The following DNAJB7 variants were observed in gnomAD, a reference collection of about 807,000 sequenced individuals.
The protein encoded by DNAJB7 is dnaJ homolog subfamily B member 7.
A neutral mutation model predicts 1.2 loss-of-function variants in DNAJB7; 1 was observed. That is an observed-to-expected ratio of 0.84 (90% CI 0.30 to 4.01). The LOEUF (loss-of-function observed/expected upper bound fraction) is 4.01, where lower values mean the gene tolerates loss of function less well. Ranked by LOEUF, DNAJB7 falls within the 30% of genes most tolerant of loss-of-function variation. The pLI is 0.18. For missense variants in DNAJB7, 420 were observed against 358.5 expected, an observed-to-expected ratio of 1.17 and a Z score of -1.39; for synonymous variants, 128 against 127.7, an observed-to-expected ratio of 1.00 and a Z score of -0.01.
In DNAJB7 at chr22:40,861,057, G is replaced by T. The variant is rs2057941420; in HGVS notation, c.*8C>A. On this transcript the variant is annotated 3_prime_UTR_variant, in exon 1 of 1. Coordinates refer to ENST00000307221, the MANE Select transcript of DNAJB7 (RefSeq NM_145174.2). ...TGTGTTCAAATGTTATATATTTGAA[G>T]AGTCAATTTAACAATTCCTTTTGGT... The T allele has an allele frequency of 6.4e-7, 1 of 1,568,810 alleles. No individual in the cohort carries two copies. The highest frequency in any genetic ancestry group is 1.2e-5 in the South Asian group (1 of 82,422).
chr22:40,861,492 A>G lies in DNAJB7; in HGVS notation c.503T>C (p.Leu168Pro), dbSNP rs1239661517. ...AAAAGCCAGGGAAGAGAAAGAAGTA[A>G]GGCCTTCATGCCCCAATGAACCCTG... ...TSQGSLGHEG[L>P]TSFSSLAFDN... Residue 168 changes from leucine (L) to proline (P), a missense_variant, in exon 1 of 1, where the codon CTT becomes CCT. Transcript: ENST00000307221. 5.6e-6 allele frequency: 9 copies of G among 1,614,218 alleles called. No individual in the cohort carries two copies. In the East Asian group the frequency reaches 2.0e-4, roughly 36 times the overall value.
rs2057936992 is a variant in DNAJB7, at chr22:40,860,605, C to G, written c.*460G>C. ...AAAAAAGAAAAATAGGCTATAAACT[C>G]TACTAAAGAAAAATTCAAAAGTAAA... On this transcript the variant is annotated 3_prime_UTR_variant, in exon 1 of 1. Coordinates refer to ENST00000307221, the MANE Select transcript of DNAJB7 (RefSeq NM_145174.2). The G allele has an allele frequency of 7.9e-7, 1 of 1,262,376 alleles. No homozygotes were observed. The highest frequency in any genetic ancestry group is 1.7e-5 in the South Asian group (1 of 59,324). 78.2% of individuals were successfully genotyped at this position (1,262,376 alleles called of 1,614,324 possible).
In DNAJB7 at chr22:40,862,066, G is replaced by T; in HGVS notation, c.-72C>A. The T allele has an allele frequency of 4.6e-6, 7 of 1,524,106 alleles. No individual in the cohort carries two copies. The highest frequency in any genetic ancestry group is 6.1e-6 in the Non-Finnish European group (7 of 1,143,376). 94.4% of individuals were successfully genotyped at this position (1,524,106 alleles called of 1,614,324 possible). ...TGGTTTCCTCAGCTCAGGCTCTGCTGGTGGTGGTGATAGAGGTAGTGACTG... is the reference window on the plus strand; with the variant it reads ...TGGTTTCCTCAGCTCAGGCTCTGCTTGTGGTGGTGATAGAGGTAGTGACTG... On this transcript the variant is annotated 5_prime_UTR_variant, in exon 1 of 1. Transcript: ENST00000307221.
rs775539243 is a variant in DNAJB7 at position 40,860,553 on chromosome 22, G to A, written c.*512C>T. ...TGTCTTCTAATGCTATGCATGTTTC[G>A]TAAGTTTGTATAGTGGTTTTAATTA... is the stretch of plus-strand genomic sequence containing the variant. On this transcript the variant is annotated 3_prime_UTR_variant, in exon 1 of 1. Coordinates refer to ENST00000307221, the MANE Select transcript of DNAJB7 (RefSeq NM_145174.2). 2.9e-5 allele frequency: 27 copies of A among 925,076 alleles called. No homozygotes were observed. Among genetic ancestry groups the A allele is most frequent in the Middle Eastern group, 3.6e-4 (1 of 2,748 alleles). 57.3% of individuals were successfully genotyped at this position (925,076 alleles called of 1,614,324 possible). A position where few individuals can be genotyped will look rare whatever the true frequency, so the allele number is the denominator to read the frequency against.
chr22:40,862,086 T>G lies in DNAJB7; in HGVS notation c.-92A>C. 1 of 1,518,240 alleles carries G rather than the reference T, an allele frequency of 6.6e-7. No individual in the cohort carries two copies. The highest frequency in any genetic ancestry group is 1.4e-5 in the South Asian group (1 of 72,734). 94.0% of individuals were successfully genotyped at this position (1,518,240 alleles called of 1,614,324 possible). A position where few individuals can be genotyped will look rare whatever the true frequency, so the allele number is the denominator to read the frequency against. Reference sequence around the variant, plus strand: ...CTGCTGGTGGTGGTGATAGAGGTAGTGACTGCAAATAGGTACACTTTTATG... The same window carrying G: ...CTGCTGGTGGTGGTGATAGAGGTAGGGACTGCAAATAGGTACACTTTTATG... On this transcript the variant is annotated 5_prime_UTR_variant, in exon 1 of 1. Coordinates refer to ENST00000307221, the MANE Select transcript of DNAJB7 (RefSeq NM_145174.2).
chr22:40,862,107 T>C lies in DNAJB7; in HGVS notation c.-113A>G, dbSNP rs2057953770. 2.3e-5 allele frequency: 34 copies of C among 1,501,068 alleles called. No individual in the cohort carries two copies. The South Asian group carries it at 2.7e-4, about 12-fold the overall frequency. The allele number at this position is 1,501,068 out of a possible 1,614,324, so 93.0% of individuals were successfully genotyped here. A position where few individuals can be genotyped will look rare whatever the true frequency, so the allele number is the denominator to read the frequency against. ...GTAGTGACTGCAAATAGGTACACTT[T>C]TATGTTAAAGACAATGTTATTACCA... is the stretch of plus-strand genomic sequence containing the variant. On this transcript the variant is annotated 5_prime_UTR_variant, in exon 1 of 1. Coordinates refer to ENST00000307221, the MANE Select transcript of DNAJB7 (RefSeq NM_145174.2).
chr22:40,861,570 C>T lies in DNAJB7; in HGVS notation c.425G>A (p.Ser142Asn). The change falls in exon 1 of 1, where the codon AGT becomes AAT. Residue 142 changes from serine (S) to asparagine (N), a missense_variant. Transcript: ENST00000307221. ...AAATTTCTCAAAAATTGGATATTCA[C>T]TGGCAGTGGAGAAAAAGTATCCTGC... ...RDAGYFFSTA[S>N]EYPIFEKFSS... is the part of the protein sequence containing the mutation. 5.0e-6 allele frequency: 8 copies of T among 1,613,388 alleles called. No homozygotes were observed. Among genetic ancestry groups the T allele is most frequent in the South Asian group, 1.1e-5 (1 of 90,854 alleles).
rs550741926 is a variant in DNAJB7 at position 40,859,895 on chromosome 22, A to C, written c.*1170T>G. ...ATGGCTATAGGTGCTATTTTAGAGT[A>C]ATGTATTTGTAGATTTTGTGTACAA... On this transcript the variant is annotated 3_prime_UTR_variant, in exon 1 of 1. Coordinates refer to ENST00000307221, the MANE Select transcript of DNAJB7 (RefSeq NM_145174.2). 1 of 152,308 alleles carries C rather than the reference A, an allele frequency of 6.6e-6. No individual in the cohort carries two copies. The highest frequency in any genetic ancestry group is 1.9e-4 in the East Asian group (1 of 5,190). The allele number at this position is 152,308 out of a possible 1,614,324, so 9.4% of individuals were successfully genotyped here. A position where few individuals can be genotyped will look rare whatever the true frequency, so the allele number is the denominator to read the frequency against.
In DNAJB7 at chr22:40,861,410, A is replaced by T; in HGVS notation, c.585T>A (p.Asn195Lys). Residue 195 changes from asparagine to lysine, a missense_variant, in exon 1 of 1, where the codon AAT (asparagine) becomes AAA (lysine). Physicochemically the swap from Asn to Lys is moderately conservative, Grantham distance 94. Transcript: ENST00000307221. ...TTTTCTTTGTATTAATATTTCTGCC[A>T]TTAACGATTTTGTCTGAAGTTGTAA... ...ISVTTSDKIV[N>K]GRNINTKKII... 6.2e-7 allele frequency: 1 copy of T among 1,613,738 alleles called. No homozygotes were observed.
At position 40,861,378 on chromosome 22, in the gene DNAJB7, T is replaced by C. The variant is rs1290193273; in HGVS notation, c.617A>G (p.Glu206Gly). ...TTCAGCTTCTCTTTCTTGATCACTTTCAATAATTTTCTTTGTATTAATATT... is the reference window on the plus strand; with the variant it reads ...TTCAGCTTCTCTTTCTTGATCACTTCCAATAATTTTCTTTGTATTAATATT... ...GRNINTKKII[E>G]SDQEREAEDN... Residue 206 changes from glutamate (E) to glycine (G), a missense_variant, in exon 1 of 1, where the codon GAA becomes GGA. Coordinates refer to ENST00000307221, the MANE Select transcript of DNAJB7 (RefSeq NM_145174.2). The C allele has an allele frequency of 3.1e-6, 5 of 1,613,842 alleles. No individual in the cohort carries two copies. Among genetic ancestry groups the C allele is most frequent in the Non-Finnish European group, 4.2e-6 (5 of 1,179,952 alleles).
At chr22:40,861,279 C>T in the DNAJB7 span, 1 of 1,614,132 alleles carries the variant, frequency 6.2e-7, no homozygotes. Flanking sequence ...CTGTGTTCTC[C>T]AGCTGCATTC....
chr22:40,861,292 T>C lies in DNAJB7; in HGVS notation c.703A>G (p.Lys235Glu), dbSNP rs1569011898. 1.2e-6 allele frequency: 2 copies of C among 1,614,182 alleles called. No individual in the cohort carries two copies. The highest frequency in any genetic ancestry group is 8.5e-7 in the Non-Finnish European group (1 of 1,180,022). Residue 235 changes from lysine (K) to glutamate (E), a missense_variant, in exon 1 of 1, where the codon AAA becomes GAA. Lys to Glu is a moderately conservative substitution (Grantham distance 56, BLOSUM62 1). Coordinates refer to ENST00000307221, the MANE Select transcript of DNAJB7 (RefSeq NM_145174.2). Reference sequence around the variant, plus strand: ...GACTGTGTTCTCCAGCTGCATTCTTTTGCAAAGCCCTCTTCATTGGCCACA... The same window carrying C: ...GACTGTGTTCTCCAGCTGCATTCTTCTGCAAAGCCCTCTTCATTGGCCACA... ...NSVANEEGFA[K>E]ECSWRTQSFN...
At position 40,859,675 on chromosome 22, in the gene DNAJB7, C is replaced by G. The variant is rs2057929719; in HGVS notation, c.*1390G>C. 1 of 152,132 alleles carries G rather than the reference C, an allele frequency of 6.6e-6. No individual in the cohort carries two copies. Among genetic ancestry groups the G allele is most frequent in the Non-Finnish European group, 1.5e-5 (1 of 68,022 alleles). 9.4% of individuals were successfully genotyped at this position (152,132 alleles called of 1,614,324 possible). ...CCATCTGCCCACTAAAAATCAAATA[C>G]CGATACAAAACACAAGCTCTTGACT... On this transcript the variant is annotated 3_prime_UTR_variant, in exon 1 of 1. Transcript: ENST00000307221.
In DNAJB7 at chr22:40,860,646, T is replaced by C; in HGVS notation, c.*419A>G. 1 of 1,320,044 alleles carries C rather than the reference T, an allele frequency of 7.6e-7. No individual in the cohort carries two copies. The highest frequency in any genetic ancestry group is 1.0e-6 in the Non-Finnish European group (1 of 980,234). The allele number at this position is 1,320,044 out of a possible 1,614,324, so 81.8% of individuals were successfully genotyped here. ...CAAAAGTAAAAAACTCATTGCAGTTTTCCAAATTCCTTTTTTTTTTTTTTA... is the reference window on the plus strand; with the variant it reads ...CAAAAGTAAAAAACTCATTGCAGTTCTCCAAATTCCTTTTTTTTTTTTTTA... On this transcript the variant is annotated 3_prime_UTR_variant, in exon 1 of 1. Coordinates refer to ENST00000307221, the MANE Select transcript of DNAJB7 (RefSeq NM_145174.2).
rs1346902075 is a variant in DNAJB7, at chr22:40,860,655, C to A, written c.*410G>T. Reference sequence around the variant, plus strand: ...AAAACTCATTGCAGTTTTCCAAATTCCTTTTTTTTTTTTTTAAGACAGGGT... The same window carrying A: ...AAAACTCATTGCAGTTTTCCAAATTACTTTTTTTTTTTTTTAAGACAGGGT... On this transcript the variant is annotated 3_prime_UTR_variant, in exon 1 of 1. Transcript: ENST00000307221. 7.8e-7 allele frequency: 1 copy of A among 1,289,068 alleles called. No homozygotes were observed. The highest frequency in any genetic ancestry group is 1.0e-6 in the Non-Finnish European group (1 of 955,058). The allele number at this position is 1,289,068 out of a possible 1,614,324, so 79.9% of individuals were successfully genotyped here.
At position 40,860,733 on chromosome 22, in the gene DNAJB7, A is replaced by T. The variant is rs531420664; in HGVS notation, c.*332T>A. Reference sequence around the variant, plus strand: ...AGTGGCGTGATCCCATTACACTGCAACCTATGTCTTCCAGGCTCAAGCAGT... The same window carrying T: ...AGTGGCGTGATCCCATTACACTGCATCCTATGTCTTCCAGGCTCAAGCAGT... On this transcript the variant is annotated 3_prime_UTR_variant, in exon 1 of 1. Transcript: ENST00000307221. 1.2e-6 allele frequency: 1 copy of T among 839,578 alleles called. No individual in the cohort carries two copies. Among genetic ancestry groups the T allele is most frequent in the African/African-American group, 1.7e-5 (1 of 57,564 alleles). The allele number at this position is 839,578 out of a possible 1,614,324, so 52.0% of individuals were successfully genotyped here.
chr22:40,861,160 G>C lies in DNAJB7; in HGVS notation c.835C>G (p.Pro279Ala). 6.2e-7 allele frequency: 1 copy of C among 1,614,022 alleles called. No individual in the cohort carries two copies. The highest frequency in any genetic ancestry group is 1.1e-5 in the South Asian group (1 of 91,070). ...GISWVTSNRD[P>A]PIFSAGVKEG... ...TTGACTCCTGCTGAGAAAATAGGGG[G>C]ATCTCTGTTGCTGGTAACCCAAGAT... is the stretch of plus-strand genomic sequence containing the variant. Residue 279 changes from proline (P) to alanine (A), a missense_variant, in exon 1 of 1, where the codon CCC becomes GCC. Physicochemically the swap from Pro to Ala is conservative, Grantham distance 27. Transcript: ENST00000307221.
rs61756762 is a variant in DNAJB7, at chr22:40,861,389, C to A, written c.606G>T (p.Lys202Asn). 0.016 allele frequency: 26,519 copies of A among 1,613,614 alleles called. 324 individuals carry two copies. The highest frequency in any genetic ancestry group is 0.026 in the South Asian group (2,411 of 91,002). Residue 202 changes from lysine (K) to asparagine (N), a missense_variant, in exon 1 of 1, where the codon AAG becomes AAT. By Grantham distance (94) the Lys-to-Asn change is moderately conservative. Transcript: ENST00000307221. The stretch of plus-strand genomic sequence containing the variant: ...TTTCTTGATCACTTTCAATAATTTT[C>A]TTTGTATTAATATTTCTGCCATTAA... The part of the protein sequence containing the change: ...KIVNGRNINT[K>N]KIIESDQERE...
At position 40,859,839 on chromosome 22, in the gene DNAJB7, T is replaced by C. The variant is rs1233527717; in HGVS notation, c.*1226A>G. On this transcript the variant is annotated 3_prime_UTR_variant, in exon 1 of 1. Coordinates refer to ENST00000307221, the MANE Select transcript of DNAJB7 (RefSeq NM_145174.2). ...CGATATCTGATGTATTTGTAACCCA[T>C]CTATTTTTCTCCCAACATGACTAAA... is the stretch of plus-strand genomic sequence containing the variant. 6.6e-6 allele frequency: 1 copy of C among 152,216 alleles called. No individual in the cohort carries two copies. The highest frequency in any genetic ancestry group is 1.5e-5 in the Non-Finnish European group (1 of 68,032). 9.4% of individuals were successfully genotyped at this position (152,216 alleles called of 1,614,324 possible). A position where few individuals can be genotyped will look rare whatever the true frequency, so the allele number is the denominator to read the frequency against.
Sources: gnomAD v4.1 joint callset for allele counts on GRCh38, gnomAD v4.1.1 for gene constraint, MANE v1.5 for transcripts, NCBI Gene and HGNC (gene_info 2026-07-23, HGNC 2026-07-21) for gene names.